Variants in FAM107B observed in about 807,000 individuals in gnomAD.
FAM107B encodes the protein family with sequence similarity 107 member B, also known as protein FAM107B.
A neutral mutation model predicts 31.5 loss-of-function variants in FAM107B; 21 were observed. The observed-to-expected ratio is 0.67, with a 90% CI of 0.47 to 0.96. The LOEUF is 0.96. Among genes scored for constraint, FAM107B ranks in the 40% least tolerant of loss-of-function variants. FAM107B has a pLI of 0.00. For missense variants in FAM107B, 452 were observed against 377.1 expected (o/e 1.20, Z -1.64); for synonymous variants, 157 against 141.5 (o/e 1.11, Z -0.78).
chr10:14,706,183 G>C (rs1855515018), intron 1 of FAM107B, among the ~76,000 whole-genome samples: 1 of 152,142 alleles, frequency 6.6e-6, no homozygotes, highest in African/African-American at 2.4e-5. Context: ...TGTGTCCTAT[G>C]CTTAACCTTT....
intron 2 of FAM107B, among the ~76,000 whole-genome samples, chr10:14,564,932 G>A (rs1337853047): frequency 1.3e-5 from 2 of 152,088 alleles, no homozygotes; most frequent in Non-Finnish European, 2.9e-5. Flanking sequence ...TTGAAAAATT[G>A]GGCTGGGCTG....
chr10:14,703,535 A>G (rs1191182996), intron 1 of FAM107B, among the ~76,000 whole-genome samples: 1 of 152,002 alleles, frequency 6.6e-6, no homozygotes, highest in Non-Finnish European at 1.5e-5. Context: ...GGGTTTCACC[A>G]TGTTGGCCAG....
chr10:14,696,800 G>A (rs1450682464), intron 1 of FAM107B, among the ~76,000 whole-genome samples: 1 of 152,164 alleles, frequency 6.6e-6, no homozygotes, highest in Non-Finnish European at 1.5e-5. Context: ...TACTCAATCT[G>A]ACTTTGCAGA....
intron 1 of FAM107B, chr10:14,723,617 G>A: frequency 1.4e-6 from 1 of 699,030 alleles, no homozygotes; most frequent in South Asian, 1.4e-5. Context: ...GTGTGACACA[G>A]AGCAATGATG....
In FAM107B at chr10:14,522,018, C is replaced by T. The variant is rs1845698108; in HGVS notation, c.655G>A (p.Gly219Ser). The change falls in exon 4 of 5, where the codon GGT (glycine) becomes AGT (serine). Residue 219 changes from glycine to serine, a missense_variant and splice_region_variant. Transcript: ENST00000181796. ...TCTGGTTTGTTCTGAGGAGCAAGAC[C>T]CCTGCGAAAGAGCATTAACAAAAAT... ...HRELLMNQKR[G>S]LAPQNKPELQ... is the part of the protein sequence containing the mutation. 2 of 1,607,176 alleles carry T rather than the reference C, an allele frequency of 1.2e-6. No individual in the cohort carries two copies. Among genetic ancestry groups the T allele is most frequent in the African/African-American group, 2.7e-5 (2 of 74,266 alleles).
chr10:14,565,441 C>T (rs1850582992), intron 2 of FAM107B, among the ~76,000 whole-genome samples: 1 of 152,116 alleles, frequency 6.6e-6, no homozygotes, highest in African/African-American at 2.4e-5. Context: ...GGGGTTAGCA[C>T]ACAGATACAA....
chr10:14,717,994 T>C (rs777193701), intron 1 of FAM107B, among the ~76,000 whole-genome samples: 3 of 152,134 alleles, frequency 2.0e-5, no homozygotes, highest in East Asian at 1.9e-4. Context: ...CAAAAGATCA[T>C]GTTTTGGTTC....
At chr10:14,587,495 T>C (rs559170437) in intron 2 of FAM107B, among the ~76,000 whole-genome samples, 1 of 152,238 alleles carries the variant, frequency 6.6e-6, no homozygotes, top group Non-Finnish European at 1.5e-5. Flanking sequence ...CTTATTTTCA[T>C]GGTATGAACA....
chr10:14,584,588 A>C (rs1851762295), intron 2 of FAM107B, among the ~76,000 whole-genome samples: 1 of 152,168 alleles, frequency 6.6e-6, no homozygotes, highest in Non-Finnish European at 1.5e-5. Context: ...CCAAAAGAAA[A>C]CCAGGAACAC....
chr10:14,762,030 T>C (rs944865360), intron 1 of FAM107B, among the ~76,000 whole-genome samples: 1 of 152,218 alleles, frequency 6.6e-6, no homozygotes, highest in Non-Finnish European at 1.5e-5. Flanking sequence ...TAAAATACCG[T>C]AGTGTAAACA....
At chr10:14,631,927 C>G (rs7894257) in intron 2 of FAM107B, among the ~76,000 whole-genome samples, 19,070 of 152,102 alleles carry the variant, frequency 0.13, 1,432 homozygotes, top group Admixed American at 0.26. Flanking sequence ...GGTTGCCATA[C>G]GACCGCACAA....
intron 1 of FAM107B, among the ~76,000 whole-genome samples, chr10:14,687,870 C>T (rs1855027893): frequency 6.6e-6 from 1 of 152,168 alleles, no homozygotes; most frequent in Non-Finnish European, 1.5e-5. Flanking sequence ...CAAAAACAGT[C>T]ATGTACACAC....
intron 1 of FAM107B, among the ~76,000 whole-genome samples, chr10:14,685,923 T>C (rs1225153902): frequency 1.3e-5 from 2 of 152,100 alleles, no homozygotes; most frequent in African/African-American, 4.8e-5. Context: ...AGCCTTGTCT[T>C]ACGTGGCAGC....
intron 2 of FAM107B, among the ~76,000 whole-genome samples, chr10:14,546,175 G>A (rs2025731): frequency 0.12 from 18,068 of 152,212 alleles, 1,194 homozygotes; most frequent in Non-Finnish European, 0.16. Flanking sequence ...TGACAGATGA[G>A]GAAACTGAGG....
chr10:14,535,749 T>C (rs754487535), intron 2 of FAM107B, among the ~76,000 whole-genome samples: 1 of 152,178 alleles, frequency 6.6e-6, no homozygotes, highest in Non-Finnish European at 1.5e-5. Flanking sequence ...AGCTGTTGAG[T>C]AATAACAGAA....
chr10:14,663,174 C>T (rs1854293609), intron 2 of FAM107B, among the ~76,000 whole-genome samples: 1 of 152,236 alleles, frequency 6.6e-6, no homozygotes, highest in South Asian at 2.1e-4. Flanking sequence ...CTGTCGGCTT[C>T]CCTACTTTTG....
intron 1 of FAM107B, among the ~76,000 whole-genome samples, chr10:14,734,398 C>T (rs895363558): frequency 2.2e-4 from 33 of 152,110 alleles, no homozygotes; most frequent in Non-Finnish European, 4.4e-4. Context: ...AACCTGCAGC[C>T]CACAGACCAC....
At chr10:14,663,286 C>T (rs1854297657) in intron 2 of FAM107B, 1 of 152,222 alleles carries the variant, frequency 6.6e-6, no homozygotes, top group Admixed American at 6.5e-5. Flanking sequence ...TCAATAAATT[C>T]CCCTTCATAT....
intron 2 of FAM107B, among the ~76,000 whole-genome samples, chr10:14,637,521 G>A (rs1350166288): frequency 6.6e-6 from 1 of 152,100 alleles, no homozygotes; most frequent in African/African-American, 2.4e-5. Flanking sequence ...TATGGTGCTT[G>A]TAGTCCCAGC....
Sources: gnomAD v4.1 joint callset for allele counts (sites outside exome capture counted in the v4.1 genomes callset) on GRCh38, gnomAD v4.1.1 for gene constraint, MANE v1.5 for transcripts, NCBI Gene and HGNC (gene_info 2026-07-23, HGNC 2026-07-21) for gene names.